The following ZNF423 variants were observed in gnomAD, a reference collection of about 807,000 sequenced individuals.
The protein encoded by ZNF423 is zinc finger protein 423.
A neutral mutation model predicts 95.8 loss-of-function variants in ZNF423; 12 were observed. That is an observed-to-expected ratio of 0.13 (90% CI 0.08 to 0.20). ZNF423 has a LOEUF of 0.20. Among genes scored for constraint, ZNF423 ranks in the 10% least tolerant of loss-of-function variants. ZNF423 has a pLI of 1.00. For missense variants in ZNF423, 1,316 were observed against 1,737.1 expected, an observed-to-expected ratio of 0.76 and a Z score of 4.31; for synonymous variants, 749 against 711.9, an observed-to-expected ratio of 1.05 and a Z score of -0.83.
At chr16:49,699,357 T>C (rs1348334860) in intron 3 of ZNF423, among the ~76,000 whole-genome samples, 1 of 152,180 alleles carries the variant, frequency 6.6e-6, no homozygotes, top group Non-Finnish European at 1.5e-5. Flanking sequence ...AATAGCCCTT[T>C]GGAAATAAAT....
intron 3 of ZNF423, among the ~76,000 whole-genome samples, chr16:49,720,524 T>G (rs572136189): frequency 4.6e-5 from 7 of 152,314 alleles, no homozygotes; most frequent in African/African-American, 1.4e-4. Context: ...AGGAGCCTGG[T>G]CCAGTCAGTG....
intron 5 of ZNF423, among the ~76,000 whole-genome samples, chr16:49,605,330 C>T (rs532623278): frequency 2.2e-4 from 33 of 152,326 alleles, no homozygotes; most frequent in Admixed American, 1.4e-3. Flanking sequence ...GGAACTTGGG[C>T]GGGTTTGCAT....
intron 5 of ZNF423, among the ~76,000 whole-genome samples, chr16:49,538,622 T>A (rs1969139347): frequency 6.6e-6 from 1 of 152,180 alleles, no homozygotes; most frequent in African/African-American, 2.4e-5. Context: ...TGGCCCTGCC[T>A]ACCTAACACC....
At chr16:49,618,609 C>T (rs1234117975) in intron 5 of ZNF423, among the ~76,000 whole-genome samples, 1 of 152,120 alleles carries the variant, frequency 6.6e-6, no homozygotes, top group East Asian at 1.9e-4. Context: ...CTGAGGCCTC[C>T]CCAGCCCTGC....
intron 7 of ZNF423, among the ~76,000 whole-genome samples, chr16:49,521,400 C>A (rs139962992): frequency 6.6e-6 from 1 of 152,328 alleles, no homozygotes; most frequent in Non-Finnish European, 1.5e-5. Context: ...AGCTGGGCCA[C>A]TCAGGTAAGG....
chr16:49,790,358 C>T (rs1383258683), intron 1 of ZNF423, among the ~76,000 whole-genome samples: 1 of 152,394 alleles, frequency 6.6e-6, no homozygotes, highest in Admixed American at 6.5e-5. Context: ...GCTGGCACCA[C>T]GTGGGTGCAC....
chr16:49,554,521 T>G (rs1291229834), intron 5 of ZNF423, among the ~76,000 whole-genome samples: 1 of 152,098 alleles, frequency 6.6e-6, no homozygotes, highest in African/African-American at 2.4e-5. Context: ...CAGTGGGTGG[T>G]GAGCACCCAG....
intron 5 of ZNF423, among the ~76,000 whole-genome samples, chr16:49,614,166 G>C (rs182638421): frequency 2.4e-4 from 37 of 152,314 alleles, no homozygotes; most frequent in Admixed American, 2.2e-3. Context: ...TCATCAAAGA[G>C]GAATGGCTGG....
intron 2 of ZNF423, among the ~76,000 whole-genome samples, chr16:49,742,158 G>A (rs2033427012): frequency 1.3e-5 from 2 of 152,180 alleles, no homozygotes; most frequent in Admixed American, 1.3e-4. Flanking sequence ...TGTTTTTTAT[G>A]GGTGTTCCAT....
intron 1 of ZNF423, among the ~76,000 whole-genome samples, chr16:49,789,967 C>T (rs2034385391): frequency 6.6e-6 from 1 of 152,176 alleles, no homozygotes; most frequent in Non-Finnish European, 1.5e-5. Context: ...AGCACTGCAA[C>T]TCATGAGCTG....
chr16:49,587,095 C>T (rs760799106), intron 5 of ZNF423, among the ~76,000 whole-genome samples: 2 of 152,120 alleles, frequency 1.3e-5, no homozygotes, highest in African/African-American at 2.4e-5. Flanking sequence ...AGGGAAAGAC[C>T]GATTTTCCCA....
intron 3 of ZNF423, among the ~76,000 whole-genome samples, chr16:49,681,215 G>A (rs912139765): frequency 2.6e-5 from 4 of 152,316 alleles, no homozygotes; most frequent in African/African-American, 9.6e-5. Context: ...TGGATTTGGG[G>A]AAAACCAACT....
chr16:49,595,145 T>TG (rs1352387479), intron 5 of ZNF423, among the ~76,000 whole-genome samples: 8 of 151,408 alleles, frequency 5.3e-5, no homozygotes, highest in South Asian at 2.1e-4. Context: ...GAGGTGGGGG[T>TG]GGGGGGGTCT....
At chr16:49,617,517 C>G (rs1047605221) in intron 5 of ZNF423, among the ~76,000 whole-genome samples, 2 of 152,164 alleles carry the variant, frequency 1.3e-5, no homozygotes, top group Non-Finnish European at 2.9e-5. Flanking sequence ...GCTTATGAGC[C>G]GGCTCAAGCA....
intron 1 of ZNF423, among the ~76,000 whole-genome samples, chr16:49,849,182 GAGA>G (rs1466935284): frequency 2.0e-5 from 3 of 152,140 alleles, no homozygotes; most frequent in South Asian, 2.1e-4. Flanking sequence ...TCTGCAAAGG[GAGA>G]AGGACAGATG....
At chr16:49,561,267 G>C (rs1489539229) in intron 5 of ZNF423, among the ~76,000 whole-genome samples, 1 of 152,094 alleles carries the variant, frequency 6.6e-6, no homozygotes, top group Non-Finnish European at 1.5e-5. Flanking sequence ...ATCGGCAAAG[G>C]CTACAAAATC....
intron 3 of ZNF423, among the ~76,000 whole-genome samples, chr16:49,653,767 T>C (rs1420873170): frequency 6.6e-6 from 1 of 152,196 alleles, no homozygotes; most frequent in Admixed American, 6.5e-5. Flanking sequence ...CACATGCCCA[T>C]CCTTCAAGAC....
intron 4 of ZNF423, among the ~76,000 whole-genome samples, chr16:49,630,567 C>T (rs568424069): frequency 5.3e-4 from 81 of 152,042 alleles, no homozygotes; most frequent in Non-Finnish European, 7.8e-4. Flanking sequence ...GCAATGGCTG[C>T]GGGCAGATGA....
At chr16:49,641,244 T>G (rs1171416208) in intron 3 of ZNF423, among the ~76,000 whole-genome samples, 1 of 152,184 alleles carries the variant, frequency 6.6e-6, no homozygotes, top group Non-Finnish European at 1.5e-5. Flanking sequence ...ACTGTCCACA[T>G]TCAGGCCCCT....
Sources: allele counts gnomAD v4.1 joint callset (sites outside exome capture counted in the v4.1 genomes callset), GRCh38; gene constraint gnomAD v4.1.1; transcripts MANE v1.5; gene names NCBI Gene and HGNC (gene_info 2026-07-23, HGNC 2026-07-21).